The following ALOX5 variants were observed in gnomAD, a reference collection of about 807,000 sequenced individuals.
ALOX5 encodes the protein arachidonate 5-lipoxygenase, also known as polyunsaturated fatty acid 5-lipoxygenase.
A neutral mutation model predicts 87.9 loss-of-function variants in ALOX5; 64 were observed. The ratio of observed to expected loss-of-function variants is 0.73; its 90% CI spans 0.60 to 0.90. ALOX5 has a LOEUF of 0.90. Ranked by LOEUF, ALOX5 falls within the 40% of genes least tolerant of loss-of-function variation. ALOX5 has a pLI of 0.00. For synonymous variants in ALOX5, 388 were observed against 355.1 expected (o/e 1.09, Z -1.04); for missense variants, 822 against 907.5 (o/e 0.91, Z 1.21).
At chr10:45,408,177 T>C (rs1840947310) in intron 3 of ALOX5, among the ~76,000 whole-genome samples, 1 of 152,232 alleles carries the variant, frequency 6.6e-6, no homozygotes, top group African/African-American at 2.4e-5. Context: ...TCACACTCTG[T>C]GAAATATTTG....
intron 2 of ALOX5, among the ~76,000 whole-genome samples, chr10:45,391,060 C>A (rs1588991371): frequency 1.7e-5 from 1 of 58,494 alleles, no homozygotes; most frequent in Non-Finnish European, 3.2e-5. Context: ...TCCCCTCTCC[C>A]TCTCCCTCTC....
rs545279097 is a variant in ALOX5, at chr10:45,391,291, C to T, written c.350-4564C>T. ...TATTTTTTTGGTGGAGACGGGGTTT[C>T]GCTGTGTTGGCCAGGCTGGTCTCCA... On this transcript the variant is annotated intron_variant, in intron 2 of 13. Transcript: ENST00000374391. Among the ~76,000 whole-genome samples, 7 of 152,260 alleles carry T rather than the reference C, an allele frequency of 4.6e-5. No individual in the cohort carries two copies. The South Asian group carries it at 1.2e-3, about 27-fold the overall frequency.
intron 4 of ALOX5, among the ~76,000 whole-genome samples, chr10:45,415,158 C>G (rs1029107369): frequency 6.6e-6 from 1 of 152,162 alleles, no homozygotes; most frequent in Non-Finnish European, 1.5e-5. Flanking sequence ...TGGCACTATT[C>G]ACAATAGCAA....
chr10:45,389,913 G>T (rs569670147), intron 2 of ALOX5, among the ~76,000 whole-genome samples: 68 of 152,326 alleles, frequency 4.5e-4, no homozygotes, highest in Non-Finnish European at 6.3e-4. Flanking sequence ...TGGATAAAGA[G>T]TCAAGACCCA....
At chr10:45,385,645 G>A (rs1588984156) in intron 2 of ALOX5, among the ~76,000 whole-genome samples, 1 of 152,206 alleles carries the variant, frequency 6.6e-6, no homozygotes, top group Non-Finnish European at 1.5e-5. Context: ...AAGAGATGAT[G>A]AATGTTGAGT....
chr10:45,404,187 A>G (rs560700800), intron 3 of ALOX5, among the ~76,000 whole-genome samples: 37 of 152,076 alleles, frequency 2.4e-4, no homozygotes, highest in Admixed American at 5.2e-4. Context: ...CCTTCCACTC[A>G]TCTGTCCTTT....
At chr10:45,383,580 C>T (rs1839915380) in intron 2 of ALOX5, among the ~76,000 whole-genome samples, 1 of 152,220 alleles carries the variant, frequency 6.6e-6, no homozygotes, top group South Asian at 2.1e-4. Context: ...GCCAAGTTTC[C>T]TGTAGCTAGT....
chr10:45,412,277 A>G lies in ALOX5; in HGVS notation c.518A>G (p.Glu173Gly), dbSNP rs1260107627. Residue 173 changes from glutamate to glycine, a missense_variant, in exon 4 of 14, where the codon GAA (glutamate) becomes GGA (glycine). By Grantham distance (98) the Glu-to-Gly change is moderately conservative (BLOSUM62 -2). Coordinates refer to ENST00000374391, the MANE Select transcript of ALOX5 (RefSeq NM_000698.5). ...DLPRDIQFDS[E>G]KGVDFVLNYS... Reference sequence around the variant, plus strand: ...CCCCGTGATATCCAGTTTGATAGTGAAAAAGGAGTGGACTTTGTTCTGAAT... The same window carrying G: ...CCCCGTGATATCCAGTTTGATAGTGGAAAAGGAGTGGACTTTGTTCTGAAT... 1.9e-6 allele frequency: 3 copies of G among 1,614,036 alleles called. No individual in the cohort carries two copies. Among genetic ancestry groups the G allele is most frequent in the African/African-American group, 2.7e-5 (2 of 74,914 alleles).
chr10:45,392,987 G>C (rs1248131407), intron 2 of ALOX5, among the ~76,000 whole-genome samples: 1 of 152,158 alleles, frequency 6.6e-6, no homozygotes, highest in Non-Finnish European at 1.5e-5. Context: ...GAAAAGTTCA[G>C]GACCAGATGG....
chr10:45,412,125 C>T (rs111350502), intron 3 of ALOX5, 66 bp from the exon 4 acceptor site: 2 of 1,606,494 alleles, frequency 1.2e-6, no homozygotes, highest in Non-Finnish European at 1.7e-6. Flanking sequence ...TGTGGGCGGC[C>T]CTCAGCTGAG....
rs762263678 is a variant in ALOX5 at position 45,443,762 on chromosome 10, G to T, written c.1608G>T (p.Leu536=). The change falls in exon 12 of 14, where the codon CTG becomes CTT. Residue 536 remains leucine (L), a synonymous_variant. Coordinates refer to ENST00000374391, the MANE Select transcript of ALOX5 (RefSeq NM_000698.5). ...AGTCGGTCAAGAGCCGGGAGCAGCT[G>T]TCGGAGTACCTGACCGTGGTGATCT... ...FPKSVKSREQ[L]SEYLTVVIFT... The T allele has an allele frequency of 2.5e-6, 4 of 1,612,378 alleles. No individual in the cohort carries two copies. The African/African-American group carries it at 5.3e-5, about 22-fold the overall frequency.
intron 1 of ALOX5, among the ~76,000 whole-genome samples, chr10:45,375,509 T>G (rs1839572285): frequency 6.6e-6 from 1 of 152,242 alleles, no homozygotes; most frequent in Non-Finnish European, 1.5e-5. Context: ...TTTACCAAGC[T>G]GCCTTCTCAC....
rs370029173 is a variant in ALOX5, at chr10:45,399,467, G to A, written c.431+3531G>A. On this transcript the variant is annotated intron_variant, in intron 3 of 13. Transcript: ENST00000374391. ...AGTATGTGCATTATATTTCAATAAC[G>A]CTGCTAGATAAATTTAAAAATTAAT... is the stretch of plus-strand genomic sequence containing the variant. Among the ~76,000 whole-genome samples the A allele has an allele frequency of 5.9e-5, 9 of 152,084 alleles. No homozygotes were observed. The South Asian group carries it at 1.2e-3, about 21-fold the overall frequency.
At position 45,443,550 on chromosome 10, in the gene ALOX5, G is replaced by A. The variant is rs372651326; in HGVS notation, c.1573+13G>A. 4.4e-5 allele frequency: 70 copies of A among 1,607,622 alleles called. No individual in the cohort carries two copies. Among genetic ancestry groups the A allele is most frequent in the Non-Finnish European group, 5.8e-5 (68 of 1,176,064 alleles). On this transcript the variant is annotated intron_variant, in intron 11 of 13. Coordinates refer to ENST00000374391, the MANE Select transcript of ALOX5 (RefSeq NM_000698.5). ...CGCAAGTCCTCAGGTAGGGCCTCCGGGACGTCTCCGGACCCGGCTCCCCCG... is the reference window on the plus strand; with the variant it reads ...CGCAAGTCCTCAGGTAGGGCCTCCGAGACGTCTCCGGACCCGGCTCCCCCG...
At chr10:45,406,362 G>A (rs1411687877) in intron 3 of ALOX5, among the ~76,000 whole-genome samples, 1 of 152,132 alleles carries the variant, frequency 6.6e-6, no homozygotes, top group Non-Finnish European at 1.5e-5. Context: ...CCAGCTTTTG[G>A]TTATCATAAC....
intron 2 of ALOX5, among the ~76,000 whole-genome samples, chr10:45,389,201 C>T (rs1490402574): frequency 6.6e-6 from 1 of 151,998 alleles, no homozygotes; most frequent in Admixed American, 6.6e-5. Context: ...TGTGAAAAGA[C>T]CAAATCTACA....
intron 4 of ALOX5, among the ~76,000 whole-genome samples, chr10:45,413,346 T>C (rs1471090294): frequency 6.6e-6 from 1 of 152,158 alleles, no homozygotes; most frequent in Non-Finnish European, 1.5e-5. Context: ...AAAAAACACA[T>C]GATTATCTCA....
intron 5 of ALOX5, 54 bp downstream of exon 5, chr10:45,424,201 C>A: frequency 3.4e-6 from 5 of 1,451,352 alleles, no homozygotes; most frequent in Non-Finnish European, 4.8e-6. Flanking sequence ...ATGCTGCTCT[C>A]CTGTCTGATA....
chr10:45,397,291 A>G (rs983181521), intron 3 of ALOX5, among the ~76,000 whole-genome samples: 7 of 152,224 alleles, frequency 4.6e-5, no homozygotes, highest in African/African-American at 1.4e-4. Flanking sequence ...GAGGCAGGAG[A>G]ATCACTTGAA....
Sources: gnomAD v4.1 joint callset for allele counts (sites outside exome capture counted in the v4.1 genomes callset) on GRCh38, gnomAD v4.1.1 for gene constraint, MANE v1.5 for transcripts, NCBI Gene and HGNC (gene_info 2026-07-23, HGNC 2026-07-21) for gene names.